The following POU6F2 variants were observed in gnomAD, a reference collection of about 807,000 sequenced individuals.
POU6F2 encodes the protein POU class 6 homeobox 2.
Under a neutral mutation model 71.3 loss-of-function variants are expected in POU6F2, and 31 were observed. The observed-to-expected ratio is 0.43, with a 90% CI of 0.33 to 0.59. The LOEUF is 0.59. Among genes scored for constraint, POU6F2 ranks in the 20% least tolerant of loss-of-function variants. The pLI is 0.04. For synonymous variants in POU6F2, 347 were observed against 355.7 expected, an observed-to-expected ratio of 0.98 and a Z score of 0.27; for missense variants, 783 against 856.8, an observed-to-expected ratio of 0.91 and a Z score of 1.07.
chr7:39,049,108 G>T (rs759337898), intron 1 of POU6F2, among the ~76,000 whole-genome samples: 1 of 151,714 alleles, frequency 6.6e-6, no homozygotes, highest in Non-Finnish European at 1.5e-5. Flanking sequence ...TCTTAGTTTG[G>T]CTGAAGATTT....
intron 2 of POU6F2, among the ~76,000 whole-genome samples, chr7:39,156,935 G>A (rs1457263419): frequency 6.6e-6 from 1 of 152,158 alleles, no homozygotes; most frequent in Non-Finnish European, 1.5e-5. Flanking sequence ...GGACTGAACA[G>A]AATGGTTTTC....
intron 1 of POU6F2, among the ~76,000 whole-genome samples, chr7:38,998,985 T>C (rs1403283104): frequency 1.3e-5 from 2 of 151,988 alleles, no homozygotes; most frequent in African/African-American, 4.8e-5. Flanking sequence ...CATTAGTTGA[T>C]ATAAGGGTGA....
At position 39,050,561 on chromosome 7, in the gene POU6F2, C is replaced by A. The variant is rs547917952; in HGVS notation, c.106-35299C>A. On this transcript the variant is annotated intron_variant, in intron 1 of 9. Transcript: ENST00000518318. ...TCATTTCCCATATTTTCCTGCTAAA[C>A]TTCTGGTTGGCCCATTAGGGCCTCA... Among the ~76,000 whole-genome samples, 3 of 152,238 alleles carry A rather than the reference C, an allele frequency of 2.0e-5. No individual in the cohort carries two copies. The South Asian group carries it at 6.2e-4, about 32-fold the overall frequency.
At chr7:39,459,873 A>C (rs1020504218) in intron 8 of POU6F2, among the ~76,000 whole-genome samples, 3 of 152,130 alleles carry the variant, frequency 2.0e-5, no homozygotes, top group Admixed American at 2.0e-4. Context: ...GCACCAAAGG[A>C]GCTTTCCTGT....
At chr7:39,208,382 T>C (rs1794067037) in intron 4 of POU6F2, among the ~76,000 whole-genome samples, 1 of 152,188 alleles carries the variant, frequency 6.6e-6, no homozygotes, top group Admixed American at 6.5e-5. Flanking sequence ...AGAAAATGAA[T>C]TTATTTTGGA....
At chr7:39,444,362 T>C (rs911049965) in intron 7 of POU6F2, among the ~76,000 whole-genome samples, 3 of 152,194 alleles carry the variant, frequency 2.0e-5, no homozygotes, top group African/African-American at 7.2e-5. Flanking sequence ...GGCAGGCAGA[T>C]CGCCTGAGCT....
intron 1 of POU6F2, among the ~76,000 whole-genome samples, chr7:39,019,583 T>C (rs539819941): frequency 9.5e-4 from 145 of 152,222 alleles, no homozygotes; most frequent in Middle Eastern, 6.8e-3. Context: ...CTAGAGCTAC[T>C]AGGAGACAGA....
intron 2 of POU6F2, among the ~76,000 whole-genome samples, chr7:39,102,293 T>C (rs941245213): frequency 6.6e-6 from 1 of 152,176 alleles, no homozygotes; most frequent in South Asian, 2.1e-4. Flanking sequence ...GGCTAAGCTT[T>C]TTGATTTCCA....
chr7:39,427,678 G>C (rs749638018), intron 6 of POU6F2, among the ~76,000 whole-genome samples: 1 of 152,196 alleles, frequency 6.6e-6, no homozygotes, highest in South Asian at 2.1e-4. Flanking sequence ...ATTTGGGAAA[G>C]AATTGTCTCT....
intron 2 of POU6F2, among the ~76,000 whole-genome samples, chr7:39,121,236 C>G (rs1225047548): frequency 6.6e-6 from 1 of 152,194 alleles, no homozygotes; most frequent in Non-Finnish European, 1.5e-5. Flanking sequence ...GTTGCTTACT[C>G]TTAGAATCTC....
intron 1 of POU6F2, among the ~76,000 whole-genome samples, chr7:39,007,465 A>G (rs889926752): frequency 5.3e-5 from 8 of 152,194 alleles, no homozygotes; most frequent in Non-Finnish European, 1.0e-4. Context: ...GTCACTGATG[A>G]TGGGTCTAGG....
chr7:39,138,725 A>G (rs10951596), intron 2 of POU6F2, among the ~76,000 whole-genome samples: 66,646 of 152,032 alleles, frequency 0.44, 15,039 homozygotes, highest in East Asian at 0.69. Context: ...GAAATAAAGT[A>G]CACAATAAAT....
At chr7:39,341,220 C>G (rs1448246144) in intron 5 of POU6F2, among the ~76,000 whole-genome samples, 1 of 152,120 alleles carries the variant, frequency 6.6e-6, no homozygotes, top group Non-Finnish European at 1.5e-5. Flanking sequence ...TTTGTCTCTT[C>G]CAATTTGGAT....
intron 1 of POU6F2, among the ~76,000 whole-genome samples, chr7:39,038,033 G>A (rs192181013): frequency 1.3e-5 from 2 of 152,114 alleles, no homozygotes; most frequent in Non-Finnish European, 2.9e-5. Flanking sequence ...TCTACTCAAG[G>A]GACCAGTTGA....
At chr7:39,155,816 G>C (rs1372121335) in intron 2 of POU6F2, among the ~76,000 whole-genome samples, 1 of 152,078 alleles carries the variant, frequency 6.6e-6, no homozygotes, top group East Asian at 1.9e-4. Context: ...TGTTATTTTA[G>C]CATGAAAGTT....
At chr7:39,158,018 A>T (rs1311063867) in intron 2 of POU6F2, among the ~76,000 whole-genome samples, 1 of 152,214 alleles carries the variant, frequency 6.6e-6, no homozygotes, top group African/African-American at 2.4e-5. Flanking sequence ...AAGAGCAGGG[A>T]TCTGAAGCAG....
intron 1 of POU6F2, among the ~76,000 whole-genome samples, chr7:39,022,975 C>T (rs1414957582): frequency 6.6e-6 from 1 of 152,050 alleles, no homozygotes; most frequent in East Asian, 1.9e-4. Context: ...GTATGAGAGT[C>T]TACTTGCTCC....
intron 2 of POU6F2, among the ~76,000 whole-genome samples, chr7:39,202,040 T>A (rs1793916780): frequency 6.6e-6 from 1 of 152,188 alleles, no homozygotes; most frequent in South Asian, 2.1e-4. Context: ...ACACATGAAA[T>A]TGTGTGGAAT....
chr7:39,149,306 T>C (rs561107251), intron 2 of POU6F2, among the ~76,000 whole-genome samples: 2 of 152,380 alleles, frequency 1.3e-5, no homozygotes, highest in Admixed American at 1.3e-4. Context: ...TGTACTTACT[T>C]GCAGGGAATA....
Sources: gnomAD v4.1 joint callset for allele counts (sites outside exome capture counted in the v4.1 genomes callset) on GRCh38, gnomAD v4.1.1 for gene constraint, MANE v1.5 for transcripts, NCBI Gene and HGNC (gene_info 2026-07-23, HGNC 2026-07-21) for gene names.